GALNT1: variants seen among roughly 807,000 people sequenced by gnomAD.
The protein encoded by GALNT1 is GalNAc transferase 1.
Under a neutral mutation model 65.7 loss-of-function variants are expected in GALNT1, and 17 were observed. That is an observed-to-expected ratio of 0.26 (90% confidence interval 0.18 to 0.39). The LOEUF (loss-of-function observed/expected upper bound fraction) is 0.39, where lower values mean the gene tolerates loss of function less well. Ranked by LOEUF, GALNT1 falls within the 10% of genes least tolerant of loss-of-function variation. The pLI, the probability that GALNT1 is intolerant of heterozygous loss-of-function variation, is 1.00. For synonymous variants in GALNT1, 210 were observed against 219.7 expected (o/e 0.96, Z 0.39); for missense variants, 460 against 672.8 (o/e 0.68, Z 3.50).
chr18:35,696,536 A>G (rs2048060759), intron 9 of GALNT1, among the ~76,000 whole-genome samples: 1 of 152,256 alleles, frequency 6.6e-6, no homozygotes, highest in Non-Finnish European at 1.5e-5. Context: ...AACAAAAAGT[A>G]AACAATCTAG....
At chr18:35,704,657 T>TA (rs2048224869) in intron 11 of GALNT1, among the ~76,000 whole-genome samples, 1 of 151,572 alleles carries the variant, frequency 6.6e-6, no homozygotes, top group Non-Finnish European at 1.5e-5. Context: ...TTTATTTATT[T>TA]TTTTGAGATG....
At chr18:35,699,263 A>G (rs998357122) in intron 9 of GALNT1, among the ~76,000 whole-genome samples, 3 of 152,246 alleles carry the variant, frequency 2.0e-5, no homozygotes, top group Non-Finnish European at 4.4e-5. Context: ...ATACCTTCCT[A>G]CTTGGTTAAG....
chr18:35,675,730 C>G (rs2047702253), intron 3 of GALNT1, among the ~76,000 whole-genome samples: 1 of 152,122 alleles, frequency 6.6e-6, no homozygotes, highest in Admixed American at 6.6e-5. Flanking sequence ...TATATAGCCA[C>G]CTTGGCTGTT....
intron 4 of GALNT1, among the ~76,000 whole-genome samples, chr18:35,681,498 T>A (rs965659571): frequency 9.9e-5 from 15 of 151,966 alleles, no homozygotes; most frequent in East Asian, 9.6e-4. Flanking sequence ...TTTTTTTTTT[T>A]AATTTTGTTC....
intron 1 of GALNT1, among the ~76,000 whole-genome samples, chr18:35,639,750 T>G (rs1317973571): frequency 6.6e-6 from 1 of 152,212 alleles, no homozygotes; most frequent in Non-Finnish European, 1.5e-5. Context: ...TTGTTTGATT[T>G]GTAGAATTGT....
chr18:35,586,132 T>C (rs2046375609), intron 1 of GALNT1, among the ~76,000 whole-genome samples: 1 of 152,222 alleles, frequency 6.6e-6, no homozygotes, highest in East Asian at 1.9e-4. Flanking sequence ...CCTGTCACCA[T>C]TTAGCCATTC....
intron 1 of GALNT1, among the ~76,000 whole-genome samples, chr18:35,609,352 A>G (rs1238716328): frequency 1.3e-5 from 2 of 152,226 alleles, no homozygotes; most frequent in Non-Finnish European, 2.9e-5. Context: ...ATGGAATAAC[A>G]TGAGATTAAT....
intron 1 of GALNT1, among the ~76,000 whole-genome samples, chr18:35,604,164 GA>G (rs1291556873): frequency 2.0e-5 from 3 of 151,946 alleles, no homozygotes; most frequent in Non-Finnish European, 4.4e-5. Flanking sequence ...CCACTTATAA[GA>G]ACATGTGGTA....
Position 35,621,184 on chromosome 18 carries a change from A to AT in GALNT1, c.-103-33365dup, listed in dbSNP as rs72246013. Among the ~76,000 whole-genome samples the AT allele has an allele frequency of 6.2e-4, 87 of 140,162 alleles. 1 individual carries two copies. Among genetic ancestry groups the AT allele is most frequent in the South Asian group, 3.7e-3 (16 of 4,378 alleles). The allele number at this position is 140,162 out of a possible 152,430, so 92.0% of individuals were successfully genotyped here. On this transcript the variant is annotated intron_variant, in intron 1 of 11. Coordinates refer to ENST00000269195, the MANE Select transcript of GALNT1 (RefSeq NM_020474.4). ...TGTGTTTTTGTTGTTTGTTTTATTT[A>AT]TTTTTTTTTTTAGAGACAAGGTCTC...
chr18:35,645,232 T>G (rs2047215163), intron 1 of GALNT1, among the ~76,000 whole-genome samples: 3 of 133,124 alleles, frequency 2.3e-5, no homozygotes, highest in East Asian at 2.1e-4. Context: ...TTTTTTTTTT[T>G]TTTTTTTTTT....
chr18:35,654,834 C>T (rs753257347), intron 2 of GALNT1, 33 bp downstream of exon 2: 1 of 1,451,174 alleles, frequency 6.9e-7, no homozygotes, highest in South Asian at 1.6e-5. Context: ...GCTGTTTTAA[C>T]TACTATATCA....
At chr18:35,653,464 T>C (rs911675261) in intron 1 of GALNT1, among the ~76,000 whole-genome samples, 2 of 152,236 alleles carry the variant, frequency 1.3e-5, no homozygotes, top group African/African-American at 4.8e-5. Flanking sequence ...GAAGCTGTTA[T>C]CTTGCCCACA....
In GALNT1 at chr18:35,683,584, G is replaced by C; in HGVS notation, c.675G>C (p.Arg225Ser). Residue 225 changes from arginine to serine, a missense_variant, in exon 5 of 12, where the codon AGG (arginine) becomes AGC (serine). By Grantham distance (110) the Arg-to-Ser change is moderately radical (BLOSUM62 -1). Coordinates refer to ENST00000269195, the MANE Select transcript of GALNT1 (RefSeq NM_020474.4). The part of the protein sequence containing the change: ...TVGWLEPLLA[R>S]IKHDRRTVVC... Reference sequence around the variant, plus strand: ...GATGGCTGGAGCCTCTCTTGGCCAGGATCAAACATGACAGGTAATTTTCTG... The same window carrying C: ...GATGGCTGGAGCCTCTCTTGGCCAGCATCAAACATGACAGGTAATTTTCTG... The C allele has an allele frequency of 6.2e-7, 1 of 1,613,408 alleles. No individual in the cohort carries two copies. The highest frequency in any genetic ancestry group is 2.2e-5 in the East Asian group (1 of 44,868).
intron 1 of GALNT1, among the ~76,000 whole-genome samples, chr18:35,653,699 A>G (rs1466071921): frequency 6.6e-6 from 1 of 152,198 alleles, no homozygotes; most frequent in Non-Finnish European, 1.5e-5. Context: ...CCTTACGCTT[A>G]AGACACCTAT....
chr18:35,691,590 G>C (rs1026484305), intron 8 of GALNT1, among the ~76,000 whole-genome samples: 11 of 152,046 alleles, frequency 7.2e-5, no homozygotes, highest in Non-Finnish European at 1.3e-4. Context: ...TTTTGCAGTG[G>C]GTCATGAACG....
intron 1 of GALNT1, chr18:35,591,685 A>AGGAT (rs2046446467): frequency 6.5e-6 from 1 of 154,424 alleles, no homozygotes; most frequent in South Asian, 2.0e-4. Flanking sequence ...GAGCTGTTGA[A>AGGAT]GGATTTTGAC....
chr18:35,583,142 C>T (rs558646785), intron 1 of GALNT1, among the ~76,000 whole-genome samples: 113 of 152,330 alleles, frequency 7.4e-4, no homozygotes, highest in African/African-American at 2.6e-3. Flanking sequence ...TGACATTTTA[C>T]ATGATCCTTT....
chr18:35,687,360 T>G (rs1326554448), intron 6 of GALNT1, among the ~76,000 whole-genome samples, 174 bp downstream of exon 6: 2 of 152,236 alleles, frequency 1.3e-5, no homozygotes, highest in Non-Finnish European at 2.9e-5. Context: ...GGATTTCTCC[T>G]CTAATAAAAT....
chr18:35,703,566 T>C lies in GALNT1; in HGVS notation c.1456T>C (p.Ser486Pro). The change falls in exon 11 of 12, where the codon TCC (serine) becomes CCC (proline). Residue 486 changes from serine (S) to proline (P), a missense_variant. Coordinates refer to ENST00000269195, the MANE Select transcript of GALNT1 (RefSeq NM_020474.4). ...AACAGATGACCTTTGCTTGGATGTT[T>C]CCAAACTTAATGGCCCAGTTACAAT... is the stretch of plus-strand genomic sequence containing the variant. ...IRTDDLCLDVSKLNGPVTMLK... is the reference protein window; with the variant it reads ...IRTDDLCLDVPKLNGPVTMLK... The C allele has an allele frequency of 6.2e-7, 1 of 1,614,090 alleles. No homozygotes were observed. Among genetic ancestry groups the C allele is most frequent in the Non-Finnish European group, 8.5e-7 (1 of 1,179,948 alleles).
Sources: gnomAD v4.1 joint callset for allele counts (sites outside exome capture counted in the v4.1 genomes callset) on GRCh38, gnomAD v4.1.1 for gene constraint, MANE v1.5 for transcripts, NCBI Gene and HGNC (gene_info 2026-07-23, HGNC 2026-07-21) for gene names.